RNF146: variants seen among roughly 807,000 people sequenced by gnomAD.
RNF146 encodes E3 ubiquitin-protein ligase RNF146.
Under a neutral mutation model 29.7 loss-of-function variants are expected in RNF146, and 11 were observed. The ratio of observed to expected loss-of-function variants is 0.37; its 90% CI spans 0.23 to 0.61. The LOEUF is 0.61. Among genes scored for constraint, RNF146 ranks in the 20% least tolerant of loss-of-function variants. The pLI, the probability that RNF146 is intolerant of heterozygous loss-of-function variation, is 0.66. For missense variants in RNF146, 342 were observed against 438.9 expected (o/e 0.78, Z 1.97); for synonymous variants, 150 against 159.7 (o/e 0.94, Z 0.46).
At position 127,285,981 on chromosome 6, in the gene RNF146, T is replaced by C. The variant is rs3756992; in HGVS notation, c.3-635T>C. 528 of 1,133,450 alleles carry C rather than the reference T, an allele frequency of 4.7e-4. 5 individuals carry two copies. In the East Asian group the frequency reaches 0.016, roughly 35 times the overall value. 70.2% of individuals were successfully genotyped at this position (1,133,450 alleles called of 1,614,324 possible). On this transcript the variant is annotated intron_variant, in intron 2 of 2. Transcript: ENST00000368314. ...ATCTGAATCAATAAGGCAGAAATTATAAATTTTATGTCAGTGTTTAAGCTA... is the reference window on the plus strand; with the variant it reads ...ATCTGAATCAATAAGGCAGAAATTACAAATTTTATGTCAGTGTTTAAGCTA...
chr6:127,286,819 A>G lies in RNF146; in HGVS notation c.206A>G (p.Lys69Arg). Residue 69 changes from lysine (K) to arginine (R), a missense_variant, in exon 3 of 3, where the codon AAG becomes AGG. This residue lies in a region of RNF146 where 27 missense variants were observed against 66.0 expected (regional missense o/e 0.41). Transcript: ENST00000368314. This position sits in a 1 kb window ranked among gnomAD's most constrained non-coding sequence, Gnocchi z 4.6. Reference protein sequence around the residue: ...LCVKGASWLGKRCALCRQEIP... With the variant: ...LCVKGASWLGRRCALCRQEIP... ...GTAAAAGGAGCTTCATGGCTTGGAA[A>G]GCGGTGTGCTCTTTGTCGACAAGAA... is the stretch of plus-strand genomic sequence containing the variant. The G allele has an allele frequency of 6.2e-7, 1 of 1,613,276 alleles. No homozygotes were observed. Among genetic ancestry groups the G allele is most frequent in the South Asian group, 1.1e-5 (1 of 91,080 alleles).
chr6:127,277,983 A>G (rs1031251592), intron 1 of RNF146, among the ~76,000 whole-genome samples: 1 of 152,182 alleles, frequency 6.6e-6, no homozygotes, highest in African/African-American at 2.4e-5. Context: ...CATTAAGAAT[A>G]TGTTTCTTTA....
At chr6:127,271,365 T>C (rs897011228) in intron 1 of RNF146, among the ~76,000 whole-genome samples, 2 of 152,172 alleles carry the variant, frequency 1.3e-5, no homozygotes, top group African/African-American at 4.8e-5. Flanking sequence ...TGAGAGTTAA[T>C]AGGTGATGGG....
At position 127,280,334 on chromosome 6, in the gene RNF146, T is replaced by C. The variant is rs1229174244; in HGVS notation, c.-5T>C. The C allele has an allele frequency of 1.9e-5, 29 of 1,547,328 alleles. No homozygotes were observed. Among genetic ancestry groups the C allele is most frequent in the Non-Finnish European group, 2.5e-5 (29 of 1,144,738 alleles). On this transcript the variant is annotated 5_prime_UTR_variant, in exon 2 of 3. Transcript: ENST00000368314. ...TGGCAGGCATCTGTGGGATCTGTAA[T>C]AGAAATGTAAGTGTAGCATCATGGT...
chr6:127,266,792 G>A (rs1267667003), upstream of RNF146: 2 of 151,972 alleles, frequency 1.3e-5, no homozygotes, highest in East Asian at 1.9e-4. Flanking sequence ...GCGGGTGCGG[G>A]TGCGCGGCGC....
At chr6:127,277,875 CAGTT>C (rs1778440025) in intron 1 of RNF146, among the ~76,000 whole-genome samples, 1 of 152,178 alleles carries the variant, frequency 6.6e-6, no homozygotes, top group South Asian at 2.1e-4. Context: ...CCATCACAGT[CAGTT>C]ACTTTTGAAA....
In RNF146 at chr6:127,269,018, G is replaced by T. The variant is rs140628879; in HGVS notation, c.-109+2093G>T. 2.0e-4 allele frequency among the ~76,000 whole-genome samples: 31 copies of T among 152,246 alleles called. No individual in the cohort carries two copies. The East Asian group carries it at 5.2e-3, about 26-fold the overall frequency. ...CACTGACAGTTGGGAATTCGAATGC[G>T]TATTTTTCTCCCGTGTTAGTAATAG... On this transcript the variant is annotated intron_variant, in intron 1 of 2. Coordinates refer to ENST00000368314, the MANE Select transcript of RNF146 (RefSeq NM_001242850.2).
At chr6:127,283,386 T>C (rs1255572057) in intron 2 of RNF146, among the ~76,000 whole-genome samples, 2 of 151,780 alleles carry the variant, frequency 1.3e-5, no homozygotes, top group East Asian at 1.9e-4. Flanking sequence ...ATTTATGAGA[T>C]AGGGAATACC....
chr6:127,273,516 C>G (rs765669763), intron 1 of RNF146, among the ~76,000 whole-genome samples: 8 of 151,876 alleles, frequency 5.3e-5, no homozygotes, highest in Non-Finnish European at 1.2e-4. Flanking sequence ...TGTTTCAAGA[C>G]TACATGATTC....
chr6:127,287,610 C>T lies in RNF146; in HGVS notation c.997C>T (p.Arg333Ter), dbSNP rs774652896. The T allele has an allele frequency of 1.1e-5, 18 of 1,612,616 alleles. No homozygotes were observed. The highest frequency in any genetic ancestry group is 1.5e-5 in the Non-Finnish European group (18 of 1,179,264). ...TCGATCAGATCGATCGGGAACTGATCGATCAGTAGCAGGGGGTGGAACAGT... is the reference window on the plus strand; with the variant it reads ...TCGATCAGATCGATCGGGAACTGATTGATCAGTAGCAGGGGGTGGAACAGT... ...PDRSDRSGTD[R>*]SVAGGGTVSV... Residue 333 changes from arginine (R) to a stop codon, truncating the protein, a stop_gained, in exon 3 of 3, where the codon CGA becomes TGA. Coordinates refer to ENST00000368314, the MANE Select transcript of RNF146 (RefSeq NM_001242850.2). LOFTEE classifies it high-confidence loss of function.
chr6:127,267,416 C>T (rs941328261), intron 1 of RNF146, among the ~76,000 whole-genome samples: 6 of 152,148 alleles, frequency 3.9e-5, no homozygotes, highest in Non-Finnish European at 8.8e-5. Flanking sequence ...ACCCGGGGAC[C>T]TTCTGGCCTC....
rs1334793265 is a variant in RNF146 at position 127,287,591 on chromosome 6, AGATCGATCGGGAACT to A, written c.987_1001del (p.Gly330_Ser334del). ...CAAACCAGACAGTACCCGATCGATCAGATCGATCGGGAACTGATCGATCAGTAGCAGGGGGTGGAA... is the reference window on the plus strand; with the variant it reads ...CAAACCAGACAGTACCCGATCGATCAGATCGATCAGTAGCAGGGGGTGGAA... On this transcript the variant is annotated inframe_deletion, in exon 3 of 3. Coordinates refer to ENST00000368314, the MANE Select transcript of RNF146 (RefSeq NM_001242850.2). The A allele has an allele frequency of 1.9e-6, 3 of 1,611,854 alleles. No homozygotes were observed. Among genetic ancestry groups the A allele is most frequent in the Non-Finnish European group, 2.5e-6 (3 of 1,178,534 alleles).
intron 1 of RNF146, among the ~76,000 whole-genome samples, chr6:127,274,532 A>T (rs186219162): frequency 8.3e-4 from 126 of 152,322 alleles, no homozygotes; most frequent in African/African-American, 2.9e-3. Context: ...TGTATTTCTT[A>T]GGAATAAAAT....
intron 1 of RNF146, among the ~76,000 whole-genome samples, chr6:127,268,393 G>T (rs1220159472): frequency 1.3e-5 from 2 of 152,202 alleles, no homozygotes; most frequent in African/African-American, 4.8e-5. Context: ...CAGGATTTGT[G>T]ATTTTGGCTT....
At chr6:127,272,216 CAT>C (rs1436799768) in intron 1 of RNF146, among the ~76,000 whole-genome samples, 14 of 152,208 alleles carry the variant, frequency 9.2e-5, no homozygotes, top group Non-Finnish European at 2.1e-4. Flanking sequence ...GATTCAGTGA[CAT>C]ATGGATTTGG....
intron 2 of RNF146, among the ~76,000 whole-genome samples, chr6:127,282,589 C>T (rs1163227483): frequency 1.3e-5 from 2 of 151,628 alleles, no homozygotes; most frequent in Admixed American, 6.6e-5. Flanking sequence ...TTTCTTTTTC[C>T]TTAGCATTCT....
At chr6:127,284,733 C>A (rs1035263076) in intron 2 of RNF146, among the ~76,000 whole-genome samples, 10 of 151,900 alleles carry the variant, frequency 6.6e-5, no homozygotes, top group African/African-American at 1.9e-4. Context: ...TATTTGAAAG[C>A]TTTTATAGTG....
intron 1 of RNF146, among the ~76,000 whole-genome samples, chr6:127,268,728 CA>C (rs1777022780): frequency 6.6e-6 from 1 of 152,086 alleles, no homozygotes; most frequent in African/African-American, 2.4e-5. Context: ...AAACTCTCTC[CA>C]AATAGCTGGT....
Position 127,286,439 on chromosome 6 carries a change from CA to C in RNF146, c.3-171del, listed in dbSNP as rs1422237722. 1.6e-5 allele frequency: 12 copies of C among 740,944 alleles called. No homozygotes were observed. The highest frequency in any genetic ancestry group is 9.5e-5 in the Admixed American group (3 of 31,702). The allele number at this position is 740,944 out of a possible 1,614,324, so 45.9% of individuals were successfully genotyped here. A position where few individuals can be genotyped will look rare whatever the true frequency, so the allele number is the denominator to read the frequency against. ...CAAGGTATGTACAAGTAGATGCTTACAAAAAATTTTCATCGGTTGGAGAGTT... is the reference window on the plus strand; with the variant it reads ...CAAGGTATGTACAAGTAGATGCTTACAAAAATTTTCATCGGTTGGAGAGTT... On this transcript the variant is annotated intron_variant, in intron 2 of 2. Transcript: ENST00000368314. The surrounding 1 kb of genome is among the most constrained non-coding windows in gnomAD (Gnocchi z 4.6).
Sources: gnomAD v4.1 joint callset for allele counts (sites outside exome capture counted in the v4.1 genomes callset) on GRCh38, gnomAD v4.1.1 for gene constraint, gnomAD v4.1.1 regional missense constraint, Gnocchi (gnomAD v3.1) non-coding constraint, MANE v1.5 for transcripts, NCBI Gene and HGNC (gene_info 2026-07-23, HGNC 2026-07-21) for gene names.